The following CRYBA4 variants were observed in gnomAD, a reference collection of about 807,000 sequenced individuals.
The protein encoded by CRYBA4 is crystallin beta A4, also known as beta-crystallin A4.
Under a neutral mutation model 31.7 loss-of-function variants are expected in CRYBA4, and 30 were observed. The observed-to-expected ratio is 0.95, with a 90% CI of 0.71 to 1.28. CRYBA4 has a LOEUF of 1.28. CRYBA4 is among the 50% of genes most tolerant of loss of function. The pLI is 0.00. For synonymous variants in CRYBA4, 102 were observed against 102.3 expected (o/e 1.00, Z 0.02); for missense variants, 225 against 260.7 (o/e 0.86, Z 0.94).
At chr22:26,602,091 C>A in the CRYBA4 span, 2 of 1,590,144 alleles carry the variant, frequency 1.3e-6, no homozygotes, top group Non-Finnish European at 1.7e-6. Context: ...TTAGCGGGGC[C>A]TTCTGGGTGT....
At chr22:26,623,765 T>TAAA (rs11389946) in intron 3 of CRYBA4, among the ~76,000 whole-genome samples, 4 of 148,416 alleles carry the variant, frequency 2.7e-5, no homozygotes, top group Non-Finnish European at 3.0e-5. Flanking sequence ...TCATTTTTTG[T>TAAA]AAAAAAAAAA....
At chr22:26,617,319 T>C (rs1929389656), upstream of CRYBA4, among the ~76,000 whole-genome samples, 1 of 152,168 alleles carries the variant, frequency 6.6e-6, no homozygotes, top group Non-Finnish European at 1.5e-5. Context: ...TTGGAGACAA[T>C]GTTAAGGGAT....
the CRYBA4 span, among the ~76,000 whole-genome samples, chr22:26,609,364 A>G: frequency 6.6e-6 from 1 of 152,132 alleles, no homozygotes; most frequent in Non-Finnish European, 1.5e-5. Flanking sequence ...GAAGAGAAAT[A>G]AATGGGAGAA....
the CRYBA4 span, among the ~76,000 whole-genome samples, chr22:26,615,281 A>G: frequency 6.6e-6 from 1 of 152,084 alleles, no homozygotes. Flanking sequence ...ACCTCGAGCA[A>G]TTTTGAGGGT....
In CRYBA4 at chr22:26,630,475, G is replaced by A. The variant is rs1441413294; in HGVS notation, c.579G>A (p.Arg193=). ...CCTTCCAGGTGCAGAGCATCCGCAG[G>A]ATCCAGCAGTGAACAGGGGTGCGGC... is the stretch of plus-strand genomic sequence containing the variant. ...APTFQVQSIR[R]IQQ The change falls in exon 6 of 6, where the codon AGG becomes AGA. Residue 193 remains arginine (R), a synonymous_variant. Transcript: ENST00000354760. 1.2e-6 allele frequency: 2 copies of A among 1,613,768 alleles called. No individual in the cohort carries two copies. Among genetic ancestry groups the A allele is most frequent in the Middle Eastern group, 1.6e-4 (1 of 6,062 alleles).
the CRYBA4 span, among the ~76,000 whole-genome samples, chr22:26,608,727 G>A: frequency 6.6e-6 from 1 of 152,040 alleles, no homozygotes; most frequent in Non-Finnish European, 1.5e-5. Flanking sequence ...CAGGGGTAAG[G>A]GAAAAATTGA....
the CRYBA4 span, among the ~76,000 whole-genome samples, chr22:26,606,255 C>T: frequency 6.6e-6 from 1 of 152,042 alleles, no homozygotes. Flanking sequence ...GGGGTCTAGG[C>T]TTTGAGATTT....
intron 2 of CRYBA4, 24 bp downstream of exon 2, chr22:26,622,659 G>T (rs1348317365): frequency 4.6e-6 from 7 of 1,528,946 alleles, no homozygotes; most frequent in East Asian, 2.3e-5. Flanking sequence ...TGGGGAGGGG[G>T]TGTTCAGGGG....
At chr22:26,591,198 T>C in the CRYBA4 span, among the ~76,000 whole-genome samples, 1 of 151,576 alleles carries the variant, frequency 6.6e-6, no homozygotes, top group African/African-American at 2.4e-5. Context: ...TGGTGAAACC[T>C]CGTTTCTAAT....
At chr22:26,606,952 A>T in the CRYBA4 span, among the ~76,000 whole-genome samples, 1 of 152,016 alleles carries the variant, frequency 6.6e-6, no homozygotes, top group Non-Finnish European at 1.5e-5. Context: ...AAATATTATA[A>T]GAAACTAATT....
chr22:26,630,313 T>TA, intron 5 of CRYBA4, 27 bp from the exon 6 acceptor site: 1 of 1,613,846 alleles, frequency 6.2e-7, no homozygotes, highest in Non-Finnish European at 8.5e-7. Flanking sequence ...CTCTGTAGAG[T>TA]AACTGTCTGC....
chr22:26,597,239 AACC>A, the CRYBA4 span, among the ~76,000 whole-genome samples: 2 of 152,132 alleles, frequency 1.3e-5, no homozygotes, highest in African/African-American at 4.8e-5. Flanking sequence ...CTGCCCACAC[AACC>A]ACCAAGCTAA....
chr22:26,598,373 C>T, the CRYBA4 span, among the ~76,000 whole-genome samples: 2 of 151,736 alleles, frequency 1.3e-5, no homozygotes, highest in South Asian at 2.1e-4. Context: ...TTCTCTTTCT[C>T]GCTCTCTCTC....
rs754647878 is a variant in CRYBA4, at chr22:26,627,500, C to CCT, written c.301-788_301-787insCT. 6.2e-3 allele frequency among the ~76,000 whole-genome samples: 174 copies of CCT among 28,246 alleles called. 8 individuals carry two copies. The highest frequency in any genetic ancestry group is 0.017 in the African/African-American group (67 of 3,878). 18.5% of individuals were successfully genotyped at this position (28,246 alleles called of 152,430 possible). The stretch of plus-strand genomic sequence containing the variant: ...TCTCTTTCTTTCCTTTTCTTTCTTT[C>CCT]TTTCTTTCTTTCTTTCTTTCTTTCT... On this transcript the variant is annotated intron_variant, in intron 4 of 5. Transcript: ENST00000354760.
chr22:26,601,471 T>C, the CRYBA4 span, among the ~76,000 whole-genome samples: 1 of 151,852 alleles, frequency 6.6e-6, no homozygotes, highest in Non-Finnish European at 1.5e-5. Context: ...CATCTTATGA[T>C]GCAAATTCAC....
At chr22:26,594,480 C>A in the CRYBA4 span, among the ~76,000 whole-genome samples, 16 of 152,174 alleles carry the variant, frequency 1.1e-4, no homozygotes, top group African/African-American at 3.6e-4. Flanking sequence ...AATCAAGATG[C>A]TTTGCCTTTC....
At chr22:26,617,615 C>T (rs1421608203), upstream of CRYBA4, among the ~76,000 whole-genome samples, 4 of 151,882 alleles carry the variant, frequency 2.6e-5, no homozygotes, top group Non-Finnish European at 5.9e-5. Flanking sequence ...TCTGTTCCTC[C>T]TCTCTTCCCT....
At chr22:26,607,548 C>G in the CRYBA4 span, among the ~76,000 whole-genome samples, 1 of 132,144 alleles carries the variant, frequency 7.6e-6, no homozygotes, top group Admixed American at 8.2e-5. Flanking sequence ...CACAGCAAAA[C>G]CCCATCTTTG....
chr22:26,611,520 T>C, the CRYBA4 span, among the ~76,000 whole-genome samples: 1 of 149,518 alleles, frequency 6.7e-6, no homozygotes. Flanking sequence ...CAGGCCGGAC[T>C]GCAGACTGCA....
Sources: allele counts gnomAD v4.1 joint callset (sites outside exome capture counted in the v4.1 genomes callset), GRCh38; gene constraint gnomAD v4.1.1; transcripts MANE v1.5; gene names NCBI Gene and HGNC (gene_info 2026-07-23, HGNC 2026-07-21).